Variants in SH3KBP1 observed in about 807,000 individuals in gnomAD.
SH3KBP1 encodes the protein SH3 domain containing kinase binding protein 1.
A neutral mutation model predicts 50.1 loss-of-function variants in SH3KBP1; 8 were observed. The ratio of observed to expected loss-of-function variants is 0.16; its 90% CI spans 0.09 to 0.29. The LOEUF (loss-of-function observed/expected upper bound fraction) is 0.29. SH3KBP1 is among the 10% of genes least tolerant of loss of function. The pLI, the probability that SH3KBP1 is intolerant of heterozygous loss-of-function variation, is 1.00. For synonymous variants in SH3KBP1, 227 were observed against 218.6 expected (o/e 1.04, Z -0.34); for missense variants, 377 against 535.2 (o/e 0.70, Z 2.92).
chrX:19,537,381 C>T (rs1368151677), intron 17 of SH3KBP1, among the ~76,000 whole-genome samples: 1 of 109,288 alleles, frequency 9.2e-6, no homozygotes, highest in Non-Finnish European at 1.9e-5. Flanking sequence ...TCGCTTGAAC[C>T]CGGGAGGCGG....
intron 4 of SH3KBP1, among the ~76,000 whole-genome samples, chrX:19,698,415 G>A (rs2063470332): frequency 8.9e-6 from 1 of 112,308 alleles, no homozygotes; most frequent in Non-Finnish European, 1.9e-5. Context: ...TGGGAAAACA[G>A]ACGTATCTTC....
At chrX:19,593,801 C>T (rs2066818233) in intron 10 of SH3KBP1, among the ~76,000 whole-genome samples, 1 of 111,814 alleles carries the variant, frequency 8.9e-6, no homozygotes, top group African/African-American at 3.3e-5. Flanking sequence ...TTACCAAGGC[C>T]TACAGGGAAA....
chrX:19,793,134 A>T (rs1234849912), intron 2 of SH3KBP1, among the ~76,000 whole-genome samples: 1 of 108,174 alleles, frequency 9.2e-6, no homozygotes, highest in Non-Finnish European at 1.9e-5. Context: ...CCATCTCTTA[A>T]AAAAATTTTA....
At chrX:19,804,271 T>C (rs767638173) in intron 2 of SH3KBP1, among the ~76,000 whole-genome samples, 7 of 111,416 alleles carry the variant, frequency 6.3e-5, no homozygotes, top group Admixed American at 9.4e-5. Flanking sequence ...AACTCCTACC[T>C]CATAATCATG....
chrX:19,622,017 TAATC>T (rs1462613519), intron 8 of SH3KBP1, among the ~76,000 whole-genome samples: 3 of 112,551 alleles, frequency 2.7e-5, no homozygotes, highest in African/African-American at 9.7e-5. Flanking sequence ...ATAAAAACCT[TAATC>T]AAAACTATTT....
At chrX:19,828,507 C>T (rs1359902592) in intron 2 of SH3KBP1, among the ~76,000 whole-genome samples, 1 of 111,721 alleles carries the variant, frequency 9.0e-6, no homozygotes, top group Non-Finnish European at 1.9e-5. Context: ...CCCGCCCAGG[C>T]ACGGTGGCCC....
At chrX:19,728,727 G>C (rs2064292329) in intron 3 of SH3KBP1, among the ~76,000 whole-genome samples, 1 of 111,743 alleles carries the variant, frequency 8.9e-6, no homozygotes, top group South Asian at 3.7e-4. Context: ...GGATGCTTAA[G>C]CTTTTCAACA....
intron 1 of SH3KBP1, among the ~76,000 whole-genome samples, chrX:19,865,766 C>T (rs1388567178): frequency 1.8e-5 from 2 of 111,868 alleles, no homozygotes; most frequent in African/African-American, 3.3e-5. Context: ...ATGGGCTGGT[C>T]CCCAAATGAC....
chrX:19,606,990 C>T (rs1195049288), intron 9 of SH3KBP1, among the ~76,000 whole-genome samples: 2 of 112,830 alleles, frequency 1.8e-5, no homozygotes, highest in Non-Finnish European at 3.7e-5. Flanking sequence ...GTCTATGGGC[C>T]GTAATCTTGG....
intron 5 of SH3KBP1, among the ~76,000 whole-genome samples, chrX:19,685,729 G>A (rs1042135139): frequency 9.0e-6 from 1 of 111,301 alleles, no homozygotes. Flanking sequence ...TCATTTTGCC[G>A]TATGGATTCT....
In SH3KBP1 at chrX:19,886,429, A is replaced by G. The variant is rs934908001; in HGVS notation, c.4+878T>C. Among the ~76,000 whole-genome samples the G allele has an allele frequency of 2.7e-5, 3 of 112,182 alleles. No individual in the cohort carries two copies. The Admixed American group carries it at 2.8e-4, about 11-fold the overall frequency. On this transcript the variant is annotated intron_variant, in intron 1 of 17. Transcript: ENST00000397821. Reference sequence around the variant, plus strand: ...AGAACATTACCTGGGTAGACCAAACATTTAATAGCCCAAGTAATCATAAGT... The same window carrying G: ...AGAACATTACCTGGGTAGACCAAACGTTTAATAGCCCAAGTAATCATAAGT...
intron 3 of SH3KBP1, among the ~76,000 whole-genome samples, chrX:19,732,417 C>A (rs184150043): frequency 4.2e-4 from 46 of 110,321 alleles, no homozygotes; most frequent in Non-Finnish European, 6.8e-4. Flanking sequence ...CTCTGTGGAA[C>A]TCAAGCACGG....
At chrX:19,698,166 GA>G (rs2063464916) in intron 4 of SH3KBP1, among the ~76,000 whole-genome samples, 1 of 111,574 alleles carries the variant, frequency 9.0e-6, no homozygotes, top group African/African-American at 3.3e-5. Context: ...TACTGAATAA[GA>G]AACCAGAAAA....
chrX:19,826,693 AACAT>A (rs1449245433), intron 2 of SH3KBP1, among the ~76,000 whole-genome samples: 12 of 72,633 alleles, frequency 1.7e-4, no homozygotes, highest in African/African-American at 7.3e-4. Flanking sequence ...TAAATAACAT[AACAT>A]AACATAACAT....
intron 6 of SH3KBP1, among the ~76,000 whole-genome samples, chrX:19,664,022 G>A (rs762734113): frequency 6.9e-4 from 77 of 112,018 alleles, no homozygotes; most frequent in African/African-American, 2.2e-3. Flanking sequence ...CTGGGAGGTC[G>A]AGGAGGCTGC....
intron 8 of SH3KBP1, among the ~76,000 whole-genome samples, chrX:19,631,496 G>A (rs902422552): frequency 1.2e-4 from 13 of 106,510 alleles, no homozygotes; most frequent in Admixed American, 2.9e-4. Flanking sequence ...GGCATGACCA[G>A]CGTTTTAAAA....
At chrX:19,598,856 T>C (rs1441146344) in intron 9 of SH3KBP1, among the ~76,000 whole-genome samples, 1 of 111,774 alleles carries the variant, frequency 8.9e-6, no homozygotes, top group East Asian at 2.8e-4. Context: ...ACAGGTATAA[T>C]AATAATAAAA....
chrX:19,803,664 C>A (rs1335924476), intron 2 of SH3KBP1, among the ~76,000 whole-genome samples: 1 of 112,216 alleles, frequency 8.9e-6, no homozygotes, highest in Non-Finnish European at 1.9e-5. Context: ...GGTGTCTTAT[C>A]TTCCTGCTTG....
chrX:19,874,327 T>G (rs1323069587), intron 1 of SH3KBP1, among the ~76,000 whole-genome samples: 1 of 58,301 alleles, frequency 1.7e-5, no homozygotes, highest in African/African-American at 7.3e-5. Context: ...GGGGCCAGAG[T>G]GGGGTTCCGG....
Sources: gnomAD v4.1 joint callset for allele counts (sites outside exome capture counted in the v4.1 genomes callset) on GRCh38, gnomAD v4.1.1 for gene constraint, MANE v1.5 for transcripts, NCBI Gene and HGNC (gene_info 2026-07-23, HGNC 2026-07-21) for gene names.